Variants in MLLT10 observed in about 807,000 individuals in gnomAD.
MLLT10 encodes MLLT10 histone lysine methyltransferase DOT1L cofactor.
Under a neutral mutation model 129.1 loss-of-function variants are expected in MLLT10, and 30 were observed. The ratio of observed to expected loss-of-function variants is 0.23; its 90% CI spans 0.17 to 0.32. The LOEUF is 0.32. Among genes scored for constraint, MLLT10 ranks in the 10% least tolerant of loss-of-function variants. The pLI is 1.00. For missense variants in MLLT10, 1,119 were observed against 1,268.3 expected, an observed-to-expected ratio of 0.88 and a Z score of 1.79; for synonymous variants, 490 against 446.4, an observed-to-expected ratio of 1.10 and a Z score of -1.23.
chr10:21,540,980 C>G (rs768175150), intron 3 of MLLT10, among the ~76,000 whole-genome samples: 1 of 151,886 alleles, frequency 6.6e-6, no homozygotes, highest in Non-Finnish European at 1.5e-5. Flanking sequence ...AGCAACATGG[C>G]GAAACCCCAC....
At chr10:21,635,747 A>T (rs752101128) in intron 8 of MLLT10, among the ~76,000 whole-genome samples, 7 of 145,720 alleles carry the variant, frequency 4.8e-5, no homozygotes, top group Non-Finnish European at 1.1e-4. Flanking sequence ...TTTTTTTGAG[A>T]TGTAGTTTCA....
chr10:21,601,480 G>A (rs2043526282), intron 5 of MLLT10, among the ~76,000 whole-genome samples: 1 of 152,166 alleles, frequency 6.6e-6, no homozygotes, highest in Non-Finnish European at 1.5e-5. Flanking sequence ...ATTAAAATCT[G>A]TAATCTCACT....
At chr10:21,592,710 C>T (rs1310828840) in intron 4 of MLLT10, among the ~76,000 whole-genome samples, 7 of 152,092 alleles carry the variant, frequency 4.6e-5, no homozygotes, top group South Asian at 2.1e-4. Flanking sequence ...TTCATCCGCC[C>T]GCCTTGGCCT....
Position 21,534,699 on chromosome 10 carries a change from A to G in MLLT10, c.55A>G (p.Lys19Glu). 1 of 1,613,192 alleles carries G rather than the reference A, an allele frequency of 6.2e-7. No homozygotes were observed. The highest frequency in any genetic ancestry group is 8.5e-7 in the Non-Finnish European group (1 of 1,179,442). The change falls in exon 2 of 23, where the codon AAG becomes GAG. Residue 19 changes from lysine to glutamate, a missense_variant. By Grantham distance (56) the Lys-to-Glu change is moderately conservative (BLOSUM62 1). Transcript: ENST00000307729. ...GGAGGACGAGGTCTCCCATAGTATG[A>G]AGGAGATGATTGGAGGCTGTTGCGT... ...SLEDEVSHSM[K>E]EMIGGCCVCS...
chr10:21,605,362 A>C (rs975875269), intron 5 of MLLT10, among the ~76,000 whole-genome samples: 12 of 152,174 alleles, frequency 7.9e-5, no homozygotes, highest in African/African-American at 2.9e-4. Flanking sequence ...GAAAAACTGT[A>C]AGTAGAATGA....
In MLLT10 at chr10:21,673,372, C is replaced by T. The variant is rs1240464397; in HGVS notation, c.1074C>T (p.Gly358=). Residue 358 remains glycine, a synonymous_variant, in exon 11 of 23, where the codon GGC becomes GGT. Coordinates refer to ENST00000307729, the MANE Select transcript of MLLT10 (RefSeq NM_001195626.3). ...CAGGCAGTTTTTCAGGAACTCCAGGCAGTGTAAAGTCATCTTCTGGAAGTT... is the reference window on the plus strand; with the variant it reads ...CAGGCAGTTTTTCAGGAACTCCAGGTAGTGTAAAGTCATCTTCTGGAAGTT... ...FPQGSFSGTP[G]SVKSSSGSSV... 9 of 1,223,088 alleles carry T rather than the reference C, an allele frequency of 7.4e-6. No homozygotes were observed. In the Middle Eastern group the frequency reaches 1.7e-3, roughly 236 times the overall value. 75.8% of individuals were successfully genotyped at this position (1,223,088 alleles called of 1,614,324 possible).
intron 8 of MLLT10, among the ~76,000 whole-genome samples, chr10:21,620,805 C>G (rs914504378): frequency 1.3e-5 from 2 of 151,658 alleles, no homozygotes; most frequent in African/African-American, 4.9e-5. Context: ...ATTCTTCTGC[C>G]TCACCCTCCC....
At chr10:21,715,980 T>C (rs2056522408) in intron 14 of MLLT10, among the ~76,000 whole-genome samples, 1 of 152,260 alleles carries the variant, frequency 6.6e-6, no homozygotes, top group South Asian at 2.1e-4. Context: ...TTATTTAGCC[T>C]GGCTTATCTG....
chr10:21,564,748 C>G (rs2039325800), intron 3 of MLLT10, among the ~76,000 whole-genome samples: 2 of 150,980 alleles, frequency 1.3e-5, no homozygotes, highest in Admixed American at 6.6e-5. Flanking sequence ...TGCTTGAACC[C>G]AGGAGGTGGA....
At chr10:21,733,675 A>T in intron 19 of MLLT10, 83 bp downstream of exon 19, 1 of 1,480,488 alleles carries the variant, frequency 6.8e-7, no homozygotes, top group Non-Finnish European at 9.0e-7. Flanking sequence ...TATTTTAAAC[A>T]GTTTTGCAGT....
intron 14 of MLLT10, among the ~76,000 whole-genome samples, chr10:21,717,693 TCCTCCTCTTCCTCCTCCTCCTCTTCC>T (rs2056774969): frequency 3.4e-5 from 4 of 117,744 alleles, no homozygotes; most frequent in Non-Finnish European, 5.1e-5. Flanking sequence ...CTCCTCCTCC[TCCTCCTCTTCCTCCTCCTCCTCTTCC>T]TCCTCCTCCT....
intron 13 of MLLT10, among the ~76,000 whole-genome samples, chr10:21,684,156 G>A (rs748023697): frequency 6.6e-6 from 1 of 152,036 alleles, no homozygotes; most frequent in African/African-American, 2.4e-5. Flanking sequence ...GACTGCAGGC[G>A]TGCGCCACCA....
intron 5 of MLLT10, among the ~76,000 whole-genome samples, chr10:21,608,798 T>C (rs1272122350): frequency 6.6e-6 from 1 of 152,200 alleles, no homozygotes; most frequent in Admixed American, 6.5e-5. Context: ...TTTGAGTCTT[T>C]TAAATAAAAT....
intron 11 of MLLT10, among the ~76,000 whole-genome samples, chr10:21,676,505 G>A (rs2052140096): frequency 6.6e-6 from 1 of 151,630 alleles, no homozygotes; most frequent in Non-Finnish European, 1.5e-5. Context: ...CAGGTCACCT[G>A]AGGTCAAGAG....
At chr10:21,599,134 C>T (rs567442907) in intron 5 of MLLT10, among the ~76,000 whole-genome samples, 1 of 149,400 alleles carries the variant, frequency 6.7e-6, no homozygotes, top group East Asian at 2.0e-4. Context: ...GCCGAGATCG[C>T]ACCACTGCAC....
intron 21 of MLLT10, 83 bp from the exon 22 acceptor site, chr10:21,739,947 G>GGAAA: frequency 9.3e-7 from 1 of 1,078,934 alleles, no homozygotes; most frequent in East Asian, 2.6e-5. Context: ...TAATATTAAA[G>GGAAA]GAAAGAAAAC....
At chr10:21,671,967 C>CAAAA (rs1326394381) in intron 10 of MLLT10, among the ~76,000 whole-genome samples, 1 of 151,922 alleles carries the variant, frequency 6.6e-6, no homozygotes, top group African/African-American at 2.4e-5. Flanking sequence ...AACAAACAAA[C>CAAAA]AAAAAACCAA....
chr10:21,596,755 T>C (rs1383975403), intron 5 of MLLT10, among the ~76,000 whole-genome samples: 1 of 152,108 alleles, frequency 6.6e-6, no homozygotes, highest in African/African-American at 2.4e-5. Flanking sequence ...TATCTGTTTA[T>C]TTTAATATTA....
rs867687885 is a variant in MLLT10, at chr10:21,717,692, C to T, written c.1878+3742C>T. 2.3e-3 allele frequency among the ~76,000 whole-genome samples: 241 copies of T among 104,790 alleles called. 3 individuals carry two copies. The highest frequency in any genetic ancestry group is 6.0e-3 in the Middle Eastern group (1 of 168). 68.7% of individuals were successfully genotyped at this position (104,790 alleles called of 152,430 possible). On this transcript the variant is annotated intron_variant, in intron 14 of 22. Coordinates refer to ENST00000307729, the MANE Select transcript of MLLT10 (RefSeq NM_001195626.3). ...CCTCCTCCTCTTCCTCCTCCTCCTC[C>T]TCCTCCTCTTCCTCCTCCTCCTCTT...
Sources: allele counts gnomAD v4.1 joint callset (sites outside exome capture counted in the v4.1 genomes callset), GRCh38; gene constraint gnomAD v4.1.1; transcripts MANE v1.5; gene names NCBI Gene and HGNC (gene_info 2026-07-23, HGNC 2026-07-21).